Variants in LRRC4C observed in about 807,000 individuals in gnomAD.
LRRC4C encodes leucine-rich repeat-containing protein 4C.
LRRC4C carries 5 observed loss-of-function variants against 33.6 expected under a neutral mutation model. That is an observed-to-expected ratio of 0.15 (90% CI 0.08 to 0.31). The LOEUF (loss-of-function observed/expected upper bound fraction) is 0.31. LRRC4C is among the 10% of genes least tolerant of loss of function. LRRC4C has a pLI of 1.00. For synonymous variants in LRRC4C, 329 were observed against 302.0 expected, an observed-to-expected ratio of 1.09 and a Z score of -0.93; for missense variants, 560 against 796.7, an observed-to-expected ratio of 0.70 and a Z score of 3.58.
chr11:40,647,134 G>A (rs1565595324), intron 3 of LRRC4C, among the ~76,000 whole-genome samples: 1 of 152,202 alleles, frequency 6.6e-6, no homozygotes, highest in African/African-American at 2.4e-5. Context: ...AGGATCATGA[G>A]TTATGAATGC....
chr11:40,592,395 T>C (rs1016114796), intron 3 of LRRC4C, among the ~76,000 whole-genome samples: 1 of 152,094 alleles, frequency 6.6e-6, no homozygotes, highest in South Asian at 2.1e-4. Context: ...AATAAATAGG[T>C]CTGGGATGGG....
chr11:40,986,083 A>C (rs1214448076), intron 1 of LRRC4C, among the ~76,000 whole-genome samples: 1 of 152,200 alleles, frequency 6.6e-6, no homozygotes, highest in Non-Finnish European at 1.5e-5. Flanking sequence ...TATATATGAA[A>C]GTTTTCCACA....
chr11:40,228,236 A>G (rs986017061), intron 5 of LRRC4C, among the ~76,000 whole-genome samples: 1 of 152,232 alleles, frequency 6.6e-6, no homozygotes, highest in Admixed American at 6.5e-5. Context: ...GAAAGCCTGT[A>G]ATATTTACTG....
In LRRC4C at chr11:40,708,041, T is replaced by C. The variant is rs530941744; in HGVS notation, c.-406-59763A>G. 2.5e-4 allele frequency among the ~76,000 whole-genome samples: 38 copies of C among 152,336 alleles called. No individual in the cohort carries two copies. The East Asian group carries it at 5.8e-3, about 23-fold the overall frequency. On this transcript the variant is annotated intron_variant, in intron 2 of 6. Coordinates refer to ENST00000528697, the MANE Select transcript of LRRC4C (RefSeq NM_001258419.2). ...TCTCTGATGGTAGTTTGCATTTCTG[T>C]GGGATCGGTGGTGACATCCCCTTTA...
At chr11:40,574,722 CCT>C (rs1958117065) in intron 3 of LRRC4C, among the ~76,000 whole-genome samples, 1 of 152,134 alleles carries the variant, frequency 6.6e-6, no homozygotes, top group Admixed American at 6.6e-5. Context: ...TGCACTCTCC[CCT>C]TTCTTTCCAC....
At chr11:40,379,641 C>T (rs913835046) in intron 3 of LRRC4C, among the ~76,000 whole-genome samples, 1 of 152,172 alleles carries the variant, frequency 6.6e-6, no homozygotes, top group Non-Finnish European at 1.5e-5. Flanking sequence ...CTGATATCCC[C>T]TTCTTTCTGT....
chr11:40,457,145 C>T (rs1164879931), intron 3 of LRRC4C, among the ~76,000 whole-genome samples: 1 of 144,456 alleles, frequency 6.9e-6, no homozygotes, highest in Non-Finnish European at 1.5e-5. Context: ...TGAGGATATA[C>T]CTCAGCAATT....
intron 2 of LRRC4C, among the ~76,000 whole-genome samples, chr11:40,787,679 T>G (rs76455038): frequency 0.013 from 2,031 of 152,332 alleles, 14 homozygotes; most frequent in Admixed American, 0.022. Context: ...TAGAAGTTAT[T>G]TTGGCAATTT....
intron 2 of LRRC4C, among the ~76,000 whole-genome samples, chr11:40,860,003 G>T (rs1047179640): frequency 6.6e-6 from 1 of 151,890 alleles, no homozygotes; most frequent in African/African-American, 2.4e-5. Context: ...GGAGAATGGC[G>T]TGAACCCGGG....
chr11:40,186,692 CA>C (rs1367878828), intron 5 of LRRC4C, among the ~76,000 whole-genome samples: 1 of 152,152 alleles, frequency 6.6e-6, no homozygotes, highest in Non-Finnish European at 1.5e-5. Context: ...TCGGGCTCAG[CA>C]TAAGTTTACA....
chr11:41,220,529 G>A (rs1452162869), intron 1 of LRRC4C, among the ~76,000 whole-genome samples: 1 of 88,476 alleles, frequency 1.1e-5, no homozygotes, highest in South Asian at 4.9e-4. Context: ...TAAACACACA[G>A]ACATACACAC....
intron 1 of LRRC4C, among the ~76,000 whole-genome samples, chr11:41,372,768 T>A (rs1952797447): frequency 7.2e-6 from 1 of 139,440 alleles, no homozygotes; most frequent in African/African-American, 2.6e-5. Flanking sequence ...AGGTATGGTT[T>A]GTTTGCAAGA....
chr11:40,445,028 T>A (rs1216735059), intron 3 of LRRC4C, among the ~76,000 whole-genome samples: 1 of 152,088 alleles, frequency 6.6e-6, no homozygotes, highest in African/African-American at 2.4e-5. Flanking sequence ...AACTTTGGGG[T>A]CATCTGACCT....
chr11:41,172,209 C>G (rs1945005887), intron 1 of LRRC4C, among the ~76,000 whole-genome samples: 1 of 152,072 alleles, frequency 6.6e-6, no homozygotes, highest in Non-Finnish European at 1.5e-5. Context: ...AGAAAGCCAG[C>G]AATTTTACAT....
At chr11:40,844,164 G>C (rs745626444) in intron 2 of LRRC4C, among the ~76,000 whole-genome samples, 83 of 151,814 alleles carry the variant, frequency 5.5e-4, no homozygotes, top group Non-Finnish European at 9.9e-4. Context: ...CTAGTTTACA[G>C]TCATGTTGGC....
intron 4 of LRRC4C, among the ~76,000 whole-genome samples, chr11:40,311,826 T>A (rs967944659): frequency 2.6e-5 from 4 of 151,164 alleles, no homozygotes; most frequent in Admixed American, 6.6e-5. Flanking sequence ...GTGCCTGTAG[T>A]CCCAGCTACT....
intron 1 of LRRC4C, among the ~76,000 whole-genome samples, chr11:41,226,741 T>TAAACAC (rs1947553496): frequency 7.3e-6 from 1 of 137,082 alleles, no homozygotes; most frequent in Admixed American, 7.3e-5. Context: ...TCCTTACCAT[T>TAAACAC]ACACACACAC....
rs113586457 is a variant in LRRC4C, at chr11:40,789,951, G to A, written c.-406-141673C>T. Among the ~76,000 whole-genome samples the A allele has an allele frequency of 1.8e-3, 277 of 152,286 alleles. 2 individuals carry two copies. Among genetic ancestry groups the A allele is most frequent in the African/African-American group, 6.6e-3 (273 of 41,562 alleles). ...AAAAAGATTCAAATAAGAGATACAT[G>A]TGTCTAAAATTTTAAAGGCCTTAAA... On this transcript the variant is annotated intron_variant, in intron 2 of 6. Transcript: ENST00000528697.
intron 6 of LRRC4C, among the ~76,000 whole-genome samples, chr11:40,123,104 T>G (rs2134686938): frequency 1.3e-5 from 2 of 152,108 alleles, no homozygotes; most frequent in South Asian, 4.2e-4. Context: ...TAGTAATTAT[T>G]TCAGGCTTTA....
Sources: gnomAD v4.1 joint callset for allele counts (sites outside exome capture counted in the v4.1 genomes callset) on GRCh38, gnomAD v4.1.1 for gene constraint, MANE v1.5 for transcripts, NCBI Gene and HGNC (gene_info 2026-07-23, HGNC 2026-07-21) for gene names.